Variants in PRDM14 observed in about 807,000 individuals in gnomAD.
The protein encoded by PRDM14 is PR/SET domain 14, also known as PR domain zinc finger protein 14.
PRDM14 carries 16 observed loss-of-function variants against 48.0 expected under a neutral mutation model. That is an observed-to-expected ratio of 0.33 (90% CI 0.23 to 0.51). PRDM14 has a LOEUF of 0.51. Ranked by LOEUF, PRDM14 falls within the 20% of genes least tolerant of loss-of-function variation. PRDM14 has a pLI of 0.97. For missense variants in PRDM14, 566 were observed against 719.6 expected, an observed-to-expected ratio of 0.79 and a Z score of 2.44; for synonymous variants, 264 against 276.6, an observed-to-expected ratio of 0.95 and a Z score of 0.45.
intron 5 of PRDM14, among the ~76,000 whole-genome samples, chr8:70,061,229 C>A (rs1398431185): frequency 6.6e-6 from 1 of 152,132 alleles, no homozygotes; most frequent in African/African-American, 2.4e-5. Flanking sequence ...CTGCAGAGGA[C>A]ACTCTGGATC....
chr8:70,064,968 C>A (rs1408061237), intron 5 of PRDM14, among the ~76,000 whole-genome samples: 2 of 151,002 alleles, frequency 1.3e-5, no homozygotes, highest in South Asian at 4.2e-4. Flanking sequence ...CATATTGCAA[C>A]CTCTGTCTCC....
chr8:70,063,925 G>C (rs1805625433), intron 5 of PRDM14, among the ~76,000 whole-genome samples: 1 of 152,150 alleles, frequency 6.6e-6, no homozygotes, highest in African/African-American at 2.4e-5. Flanking sequence ...ACAGATCATA[G>C]AGAATCCCAA....
Position 70,071,115 on chromosome 8 carries a change from C to T in PRDM14, c.-25+35G>A, listed in dbSNP as rs542802290. ...CCCCAACGGCCCTGGAAGACCACCG[C>T]CCCGGGCCCCAGGCGCGTCCTGTCC... On this transcript the variant is annotated intron_variant, in intron 1 of 7. Transcript: ENST00000276594. The surrounding 1 kb of genome is among the most constrained non-coding windows in gnomAD (Gnocchi z 5.2). 6.6e-6 allele frequency: 1 copy of T among 152,492 alleles called. No homozygotes were observed. Among genetic ancestry groups the T allele is most frequent in the Admixed American group, 6.5e-5 (1 of 15,304 alleles). The allele number at this position is 152,492 out of a possible 1,614,324, so 9.4% of individuals were successfully genotyped here.
chr8:70,064,340 C>T (rs1342593359), intron 5 of PRDM14, among the ~76,000 whole-genome samples: 1 of 152,016 alleles, frequency 6.6e-6, no homozygotes, highest in African/African-American at 2.4e-5. Context: ...TTCCCTCTCT[C>T]CCTCTTACAC....
chr8:70,051,770 T>TTGTGTTTTGTTTTG lies in PRDM14; in HGVS notation c.*306_*307insCAAAACAAAACACA. The TTGTGTTTTGTTTTG allele has an allele frequency of 4.0e-6, 1 of 247,398 alleles. No individual in the cohort carries two copies. Among genetic ancestry groups the TTGTGTTTTGTTTTG allele is most frequent in the Non-Finnish European group, 7.8e-6 (1 of 127,638 alleles). The allele number at this position is 247,398 out of a possible 1,614,324, so 15.3% of individuals were successfully genotyped here. A position where few individuals can be genotyped will look rare whatever the true frequency, so the allele number is the denominator to read the frequency against. On this transcript the variant is annotated 3_prime_UTR_variant, in exon 8 of 8. Transcript: ENST00000276594. ...CCACACTCTTGAGGGCTACTCATTT[T>TTGTGTTTTGTTTTG]TTTTGTTTTGTTTTGTTTTGAGACA...
At chr8:70,054,764 C>T (rs1047982945) in intron 7 of PRDM14, among the ~76,000 whole-genome samples, 9 of 151,824 alleles carry the variant, frequency 5.9e-5, no homozygotes, top group Non-Finnish European at 1.2e-4. Context: ...AGGCACCTGC[C>T]CACCTCAGCC....
At chr8:70,053,626 T>C (rs950763409) in intron 7 of PRDM14, among the ~76,000 whole-genome samples, 9 of 152,106 alleles carry the variant, frequency 5.9e-5, no homozygotes, top group African/African-American at 1.4e-4. Flanking sequence ...TGACCTCAGG[T>C]TGATCCACCC....
At position 70,059,280 on chromosome 8, in the gene PRDM14, T is replaced by TC. The variant is rs1268408826; in HGVS notation, c.1184-439_1184-438insG. Among the ~76,000 whole-genome samples, 9 of 151,546 alleles carry TC rather than the reference T, an allele frequency of 5.9e-5. No individual in the cohort carries two copies. In the South Asian group the frequency reaches 6.2e-4, roughly 10 times the overall value. The stretch of plus-strand genomic sequence containing the variant: ...AAGAGAATTTTCTTTTCTTTTCTTT[T>TC]TTTTTTTTTGAGATGGAGTCTTGCT... On this transcript the variant is annotated intron_variant, in intron 5 of 7. Transcript: ENST00000276594.
At chr8:70,066,168 T>G in intron 5 of PRDM14, 67 bp downstream of exon 5, 1 of 1,537,230 alleles carries the variant, frequency 6.5e-7, no homozygotes, top group Non-Finnish European at 8.8e-7. Flanking sequence ...CATGGAGGGT[T>G]TGTGGAAAAG....
rs115181713 is a variant in PRDM14 at position 70,058,322 on chromosome 8, T to C, written c.1386+318A>G. ...CAACTAACCCTGCCACCAGTATAAA[T>C]CAGACACCCCATTTGTCCTTCTATA... On this transcript the variant is annotated intron_variant, in intron 6 of 7. Coordinates refer to ENST00000276594, the MANE Select transcript of PRDM14 (RefSeq NM_024504.4). Among the ~76,000 whole-genome samples the C allele has an allele frequency of 5.8e-3, 888 of 152,282 alleles. 10 individuals carry two copies. The highest frequency in any genetic ancestry group is 0.02 in the African/African-American group (848 of 41,554).
At position 70,052,177 on chromosome 8, in the gene PRDM14, G is replaced by A; in HGVS notation, c.1616C>T (p.Ser539Leu). Residue 539 changes from serine (S) to leucine (L), a missense_variant, in exon 8 of 8, where the codon TCA (serine) becomes TTA (leucine). By Grantham distance (145) the Ser-to-Leu change is moderately radical. Around this residue, in one of 3 missense-constraint regions of PRDM14, gnomAD observed 126 missense variants for 271.6 expected, o/e 0.46. Transcript: ENST00000276594. The stretch of plus-strand genomic sequence containing the variant: ...TGAGCAGCCATCATCCTCCTTGTGT[G>A]AACGCCGGACATGGCTGTCATGGGC... Reference protein sequence around the residue: ...HAAHDSHVRRSHKEDDGCSCS... With the variant: ...HAAHDSHVRRLHKEDDGCSCS... 2 of 1,613,822 alleles carry A rather than the reference G, an allele frequency of 1.2e-6. No homozygotes were observed. Among genetic ancestry groups the A allele is most frequent in the Non-Finnish European group, 1.7e-6 (2 of 1,179,966 alleles).
At chr8:70,061,793 T>C (rs1805585546) in intron 5 of PRDM14, among the ~76,000 whole-genome samples, 1 of 152,074 alleles carries the variant, frequency 6.6e-6, no homozygotes, top group African/African-American at 2.4e-5. Flanking sequence ...TTTATCTTGT[T>C]CCCTATCCTC....
Position 70,052,152 on chromosome 8 carries a change from T to C in PRDM14, c.1641A>G (p.Ser547=). 1 of 1,613,318 alleles carries C rather than the reference T, an allele frequency of 6.2e-7. No homozygotes were observed. Among genetic ancestry groups the C allele is most frequent in the Non-Finnish European group, 8.5e-7 (1 of 1,179,844 alleles). ...RRSHKEDDGC[S]CSICGKIFSD... ...AGAAGATTTTCCCACAGATGCTGCA[T>C]GAGCAGCCATCATCCTCCTTGTGTG... Residue 547 remains serine (S), a synonymous_variant, in exon 8 of 8, where the codon TCA becomes TCG. Coordinates refer to ENST00000276594, the MANE Select transcript of PRDM14 (RefSeq NM_024504.4).
intron 2 of PRDM14, among the ~76,000 whole-genome samples, chr8:70,068,823 C>G (rs894556642): frequency 6.6e-6 from 1 of 152,196 alleles, no homozygotes; most frequent in African/African-American, 2.4e-5. Context: ...TAATGCCTGA[C>G]TAAGGTCAGC....
At chr8:70,055,907 T>C (rs988139518) in intron 6 of PRDM14, among the ~76,000 whole-genome samples, 5 of 152,216 alleles carry the variant, frequency 3.3e-5, no homozygotes, top group East Asian at 1.9e-4. Flanking sequence ...GCTGTGTGAC[T>C]ACAGAACATT....
rs1197153169 is a variant in PRDM14 at position 70,069,265 on chromosome 8, T to C, written c.596A>G (p.Glu199Gly). 2 of 1,610,194 alleles carry C rather than the reference T, an allele frequency of 1.2e-6. No homozygotes were observed. The highest frequency in any genetic ancestry group is 1.7e-6 in the Non-Finnish European group (2 of 1,178,010). ...GTACAGAACGAAGTGCAGGTCCTCC[T>C]CCGTGAACTGGAACCGAGCAGGGGA... ...GKSPARFQFT[E>G]EDLHFVLYGV... The change falls in exon 2 of 8, where the codon GAG (glutamate) becomes GGG (glycine). Residue 199 changes from glutamate (E) to glycine (G), a missense_variant. Physicochemically the swap from Glu to Gly is moderately conservative, Grantham distance 98. Coordinates refer to ENST00000276594, the MANE Select transcript of PRDM14 (RefSeq NM_024504.4).
At chr8:70,060,598 A>C (rs1033521461) in intron 5 of PRDM14, among the ~76,000 whole-genome samples, 1 of 152,160 alleles carries the variant, frequency 6.6e-6, no homozygotes, top group African/African-American at 2.4e-5. Flanking sequence ...TATGGTTGCT[A>C]TGTCTCTTAA....
At chr8:70,055,699 A>C (rs562255992) in intron 6 of PRDM14, among the ~76,000 whole-genome samples, 1 of 152,024 alleles carries the variant, frequency 6.6e-6, no homozygotes, top group Non-Finnish European at 1.5e-5. Context: ...TGTAGAGATG[A>C]GGTCTCACTA....
chr8:70,068,620 G>T (rs1020858684), intron 2 of PRDM14, 88 bp from the exon 3 acceptor site: 3 of 1,052,976 alleles, frequency 2.8e-6, no homozygotes, highest in Non-Finnish European at 4.4e-6. Context: ...ATTCCCTAAA[G>T]GTAACCATCA....
Sources: allele counts gnomAD v4.1 joint callset (sites outside exome capture counted in the v4.1 genomes callset), GRCh38; gene constraint gnomAD v4.1.1; regional missense constraint gnomAD v4.1.1; non-coding constraint Gnocchi (gnomAD v3.1); transcripts MANE v1.5; gene names NCBI Gene and HGNC (gene_info 2026-07-23, HGNC 2026-07-21).